Variants in MTUS2 observed in about 807,000 individuals in gnomAD.
MTUS2 encodes the protein microtubule associated scaffold protein 2.
MTUS2 carries 40 observed loss-of-function variants against 114.1 expected under a neutral mutation model. The observed-to-expected ratio is 0.35, with a 90% CI of 0.27 to 0.46. The LOEUF (loss-of-function observed/expected upper bound fraction) is 0.46. Among genes scored for constraint, MTUS2 ranks in the 20% least tolerant of loss-of-function variants. The pLI is 1.00. For synonymous variants in MTUS2, 688 were observed against 672.0 expected (o/e 1.02, Z -0.37); for missense variants, 1,679 against 1,705.4 (o/e 0.98, Z 0.27).
intron 5 of MTUS2, among the ~76,000 whole-genome samples, chr13:29,277,345 C>T (rs1326119149): frequency 6.6e-6 from 1 of 152,144 alleles, no homozygotes; most frequent in Non-Finnish European, 1.5e-5. Flanking sequence ...AAAAAGAAGA[C>T]TTAATTGTGT....
At chr13:29,182,411 T>C (rs1566052204) in intron 5 of MTUS2, among the ~76,000 whole-genome samples, 1 of 152,284 alleles carries the variant, frequency 6.6e-6, no homozygotes, top group South Asian at 2.1e-4. Context: ...ATGTGTAACA[T>C]GTACGTAGTT....
At chr13:29,115,495 G>A (rs917700373) in intron 5 of MTUS2, among the ~76,000 whole-genome samples, 1 of 152,164 alleles carries the variant, frequency 6.6e-6, no homozygotes, top group African/African-American at 2.4e-5. Context: ...CCAATAACCA[G>A]ACTCACTAAA....
chr13:29,265,315 C>G (rs1032663714), intron 5 of MTUS2, among the ~76,000 whole-genome samples: 1 of 152,200 alleles, frequency 6.6e-6, no homozygotes, highest in African/African-American at 2.4e-5. Flanking sequence ...GCCTAGATTT[C>G]ACTGTCCATA....
intron 5 of MTUS2, among the ~76,000 whole-genome samples, chr13:29,200,928 A>G (rs894388686): frequency 2.0e-5 from 3 of 152,158 alleles, no homozygotes; most frequent in African/African-American, 7.2e-5. Context: ...TTTACTTCCA[A>G]TTAAGTAGTC....
chr13:28,841,854 A>G (rs1160934868), intron 2 of MTUS2, among the ~76,000 whole-genome samples: 1 of 151,710 alleles, frequency 6.6e-6, no homozygotes, highest in East Asian at 1.9e-4. Flanking sequence ...GCCTGGCTAG[A>G]TTTTGTATTT....
At chr13:29,410,216 C>T (rs1875121687) in intron 8 of MTUS2, among the ~76,000 whole-genome samples, 1 of 151,948 alleles carries the variant, frequency 6.6e-6, no homozygotes, top group Non-Finnish European at 1.5e-5. Flanking sequence ...CCTCTGCCTC[C>T]TGGGTTCAAG....
Position 29,026,358 on chromosome 13 carries a change from A to C in MTUS2, c.1660A>C (p.Ser554Arg). The change falls in exon 3 of 16, where the codon AGT becomes CGT. Residue 554 changes from serine to arginine, a missense_variant. Coordinates refer to ENST00000612955, the MANE Select transcript of MTUS2 (RefSeq NM_001033602.4). ...CTACCAGCCTACAACACCCAGTAGC[A>C]GTTTTCAGGATGTTAGCGTGTTCGG... ...MTYQPTTPSS[S>R]FQDVSVFGMD... 6 of 1,613,946 alleles carry C rather than the reference A, an allele frequency of 3.7e-6. No homozygotes were observed. The highest frequency in any genetic ancestry group is 5.1e-6 in the Non-Finnish European group (6 of 1,179,874).
chr13:28,955,302 A>G (rs943870655), intron 2 of MTUS2, among the ~76,000 whole-genome samples: 1 of 152,258 alleles, frequency 6.6e-6, no homozygotes, highest in Non-Finnish European at 1.5e-5. Flanking sequence ...ACTTTAAAGA[A>G]TAAAATATAA....
chr13:29,466,214 A>G (rs1182030252), intron 9 of MTUS2, among the ~76,000 whole-genome samples: 2 of 152,264 alleles, frequency 1.3e-5, no homozygotes, highest in African/African-American at 2.4e-5. Context: ...GAAATGTGCC[A>G]TATGCCTGGC....
At chr13:29,184,190 T>G (rs1228612743) in intron 5 of MTUS2, among the ~76,000 whole-genome samples, 4 of 152,206 alleles carry the variant, frequency 2.6e-5, no homozygotes, top group Non-Finnish European at 5.9e-5. Flanking sequence ...AATGTAAAAA[T>G]TTCAAGTATG....
intron 5 of MTUS2, among the ~76,000 whole-genome samples, chr13:29,155,457 C>G (rs966434249): frequency 5.3e-5 from 8 of 152,302 alleles, no homozygotes; most frequent in African/African-American, 1.9e-4. Context: ...TCTCCTCATT[C>G]AACAATGCAT....
intron 7 of MTUS2, among the ~76,000 whole-genome samples, chr13:29,350,971 A>T (rs886105053): frequency 1.6e-5 from 2 of 125,074 alleles, no homozygotes; most frequent in African/African-American, 9.8e-5. Flanking sequence ...ATATATATAT[A>T]TATATATATA....
intron 7 of MTUS2, among the ~76,000 whole-genome samples, chr13:29,356,973 C>T (rs117020531): frequency 0.012 from 1,836 of 152,276 alleles, 16 homozygotes; most frequent in Non-Finnish European, 0.019. Flanking sequence ...GAGCCTCTGT[C>T]TTAGCTCAGA....
chr13:29,358,758 C>T (rs544026387), intron 7 of MTUS2, among the ~76,000 whole-genome samples: 21 of 152,164 alleles, frequency 1.4e-4, no homozygotes, highest in South Asian at 4.2e-4. Context: ...GCTAGAGCAG[C>T]GGTAGCCAGG....
chr13:29,017,612 C>G (rs1886120636), intron 2 of MTUS2, among the ~76,000 whole-genome samples: 1 of 151,956 alleles, frequency 6.6e-6, no homozygotes, highest in Non-Finnish European at 1.5e-5. Flanking sequence ...TCTACTCTTA[C>G]TTGGATATTC....
At chr13:29,137,321 G>A (rs1161075399) in intron 5 of MTUS2, among the ~76,000 whole-genome samples, 1 of 151,846 alleles carries the variant, frequency 6.6e-6, no homozygotes. Flanking sequence ...TTCTTGGTGT[G>A]GGCCTCTTTG....
intron 7 of MTUS2, among the ~76,000 whole-genome samples, chr13:29,328,001 C>A (rs77545701): frequency 6.6e-6 from 1 of 151,978 alleles, no homozygotes; most frequent in African/African-American, 2.4e-5. Flanking sequence ...ATAATGTTGA[C>A]TATCTTTCTA....
At chr13:28,876,803 A>C (rs1389670777) in intron 2 of MTUS2, among the ~76,000 whole-genome samples, 1 of 152,188 alleles carries the variant, frequency 6.6e-6, no homozygotes, top group Non-Finnish European at 1.5e-5. Context: ...GTAAATGATC[A>C]AACAATGTTC....
intron 8 of MTUS2, among the ~76,000 whole-genome samples, chr13:29,389,635 A>ACG (rs201683792): frequency 8.6e-5 from 5 of 58,424 alleles, no homozygotes; most frequent in Non-Finnish European, 1.8e-4. Context: ...ATGTATACAC[A>ACG]TATGTGTATG....
Sources: allele counts gnomAD v4.1 joint callset (sites outside exome capture counted in the v4.1 genomes callset), GRCh38; gene constraint gnomAD v4.1.1; transcripts MANE v1.5; gene names NCBI Gene and HGNC (gene_info 2026-07-23, HGNC 2026-07-21).